Variants in MTRR observed in about 807,000 individuals in gnomAD.
MTRR encodes methionine synthase reductase.
MTRR carries 63 observed loss-of-function variants against 79.2 expected under a neutral mutation model. The ratio of observed to expected loss-of-function variants is 0.80; its 90% confidence interval spans 0.65 to 0.98. MTRR has a LOEUF of 0.98. Ranked by LOEUF, MTRR falls within the 50% of genes least tolerant of loss-of-function variation. The probability of loss-of-function intolerance (pLI) is 0.00; values close to 1 mark genes in which losing one functional copy is unlikely to be tolerated. For synonymous variants in MTRR, 355 were observed against 313.3 expected, an observed-to-expected ratio of 1.13 and a Z score of -1.41; for missense variants, 895 against 839.6, an observed-to-expected ratio of 1.07 and a Z score of -0.82.
At chr5:7,890,095 T>A (rs1737292708) in intron 9 of MTRR, among the ~76,000 whole-genome samples, 1 of 152,202 alleles carries the variant, frequency 6.6e-6, no homozygotes, top group South Asian at 2.1e-4. Context: ...TCCTTTCCCA[T>A]AGTGGTAAGT....
chr5:7,868,241 A>G, upstream of MTRR: 1 of 582,412 alleles, frequency 1.7e-6, no homozygotes, highest in East Asian at 2.9e-5. Context: ...TAACATATAA[A>G]CACCAGAGGG....
At chr5:7,882,117 A>T (rs908892300) in intron 5 of MTRR, among the ~76,000 whole-genome samples, 1 of 152,214 alleles carries the variant, frequency 6.6e-6, no homozygotes, top group Non-Finnish European at 1.5e-5. Flanking sequence ...GCATGGAGGG[A>T]TGGAAGCAGG....
chr5:7,864,485 G>T (rs1010843024), upstream of MTRR, among the ~76,000 whole-genome samples: 1 of 151,834 alleles, frequency 6.6e-6, no homozygotes, highest in Admixed American at 6.6e-5. Flanking sequence ...AGTAATAAAA[G>T]AGTACAAATC....
At chr5:7,851,332 C>G (rs1003147495) in exon 1 of MTRR, 3 of 296,044 alleles carry the variant, frequency 1.0e-5, no homozygotes, top group Non-Finnish European at 1.9e-5. Context: ...GCTCACCTTT[C>G]CCATGCAGCA....
At position 7,899,886 on chromosome 5, in the gene MTRR, G is replaced by A. The variant is rs200424426; in HGVS notation, c.1953-28G>A. On this transcript the variant is annotated intron_variant, in intron 14 of 14. Coordinates refer to ENST00000440940, the MANE Select transcript of MTRR (RefSeq NM_002454.3). The stretch of plus-strand genomic sequence containing the variant: ...ATTTACTAAAAATGCCTGTTTGTAA[G>A]CAGTCATCTTATTATTTTCTTTTCT... 8 of 1,613,838 alleles carry A rather than the reference G, an allele frequency of 5.0e-6. No homozygotes were observed. The East Asian group carries it at 1.6e-4, about 31-fold the overall frequency.
chr5:7,869,134 A>G (rs778722698), upstream of MTRR: 15 of 1,613,364 alleles, frequency 9.3e-6, no homozygotes, highest in Admixed American at 2.2e-4. Flanking sequence ...GGTACCGAGC[A>G]TGGGCGCTGC....
At chr5:7,855,085 C>T (rs1318474508) in intron 1 of MTRR, among the ~76,000 whole-genome samples, 2 of 152,164 alleles carry the variant, frequency 1.3e-5, no homozygotes, top group Non-Finnish European at 2.9e-5. Flanking sequence ...TCTAATTTCT[C>T]CAATAACTTA....
At chr5:7,866,494 G>A (rs1746959101), upstream of MTRR, 2 of 645,594 alleles carry the variant, frequency 3.1e-6, no homozygotes, top group African/African-American at 3.6e-5. Context: ...CTTTAACTGT[G>A]TTTATGCCAG....
chr5:7,855,794 G>A (rs1478632318), intron 1 of MTRR, among the ~76,000 whole-genome samples: 1 of 152,192 alleles, frequency 6.6e-6, no homozygotes, highest in Non-Finnish European at 1.5e-5. Context: ...CACACACTGT[G>A]AGCACTCTGT....
At chr5:7,854,472 T>A (rs1283678659) in intron 1 of MTRR, among the ~76,000 whole-genome samples, 4 of 152,134 alleles carry the variant, frequency 2.6e-5, no homozygotes, top group Admixed American at 2.6e-4. Context: ...AAGACTGGGA[T>A]GAAAAGAGGT....
chr5:7,876,156 C>T lies in MTRR; in HGVS notation c.401+781C>T, dbSNP rs140555133. On this transcript the variant is annotated intron_variant, in intron 4 of 14. Coordinates refer to ENST00000440940, the MANE Select transcript of MTRR (RefSeq NM_002454.3). ...CAAATTCAGCAAATGTCTTGCTTTT[C>T]GGCATACTGTATTTCTGCTGAACTC... 7.5e-4 allele frequency among the ~76,000 whole-genome samples: 104 copies of T among 139,018 alleles called. 1 individual carries two copies. Among genetic ancestry groups the T allele is most frequent in the African/African-American group, 1.8e-3 (66 of 36,388 alleles). The allele number at this position is 139,018 out of a possible 152,430, so 91.2% of individuals were successfully genotyped here. A position where few individuals can be genotyped will look rare whatever the true frequency, so the allele number is the denominator to read the frequency against.
upstream of MTRR, among the ~76,000 whole-genome samples, chr5:7,865,514 A>T (rs1305036931): frequency 6.6e-6 from 1 of 152,246 alleles, no homozygotes; most frequent in Non-Finnish European, 1.5e-5. Flanking sequence ...GCTTAAAAAT[A>T]TACTGTACTT....
At chr5:7,894,936 A>G (rs1015193881) in intron 11 of MTRR, among the ~76,000 whole-genome samples, 8 of 152,226 alleles carry the variant, frequency 5.3e-5, no homozygotes, top group Non-Finnish European at 1.2e-4. Flanking sequence ...TTCATTCCCA[A>G]GTAAGAGCAG....
chr5:7,883,786 A>G (rs1579708418), intron 6 of MTRR, among the ~76,000 whole-genome samples: 1 of 152,202 alleles, frequency 6.6e-6, no homozygotes, highest in African/African-American at 2.4e-5. Flanking sequence ...TGGCTTACTC[A>G]ATAAGCCATG....
In MTRR at chr5:7,873,392, C is replaced by G; in HGVS notation, c.149C>G (p.Thr50Arg). ...ESDKYDLKTE[T>R]APLVVVVSTT... ...TTGTAGTATGACCTAAAAACCGAAACAGCTCCTCTTGTTGTTGTGGTTTCT... is the reference window on the plus strand; with the variant it reads ...TTGTAGTATGACCTAAAAACCGAAAGAGCTCCTCTTGTTGTTGTGGTTTCT... Residue 50 changes from threonine to arginine, a missense_variant, in exon 3 of 15, where the codon ACA becomes AGA. Thr to Arg is a moderately conservative substitution (Grantham distance 71). Transcript: ENST00000440940. The G allele has an allele frequency of 1.2e-6, 2 of 1,614,192 alleles. No individual in the cohort carries two copies. The highest frequency in any genetic ancestry group is 1.7e-6 in the Non-Finnish European group (2 of 1,180,034).
intron 14 of MTRR, among the ~76,000 whole-genome samples, chr5:7,899,606 C>T (rs1380440137): frequency 2.0e-5 from 3 of 152,092 alleles, no homozygotes; most frequent in African/African-American, 4.8e-5. Context: ...GCAGGTGGGT[C>T]GGAGCCAGGC....
intron 8 of MTRR, among the ~76,000 whole-genome samples, chr5:7,887,899 G>A (rs1736896068): frequency 6.9e-6 from 1 of 145,432 alleles, no homozygotes; most frequent in African/African-American, 2.6e-5. Flanking sequence ...GGAAACCAAA[G>A]TATTTTATAA....
chr5:7,877,216 A>G lies in MTRR; in HGVS notation c.402-728A>G, dbSNP rs75120161. On this transcript the variant is annotated intron_variant, in intron 4 of 14. Coordinates refer to ENST00000440940, the MANE Select transcript of MTRR (RefSeq NM_002454.3). ...TGCCACAGTCTTATCCACTGACTCT[A>G]CTTAAACTTCTCTGTTCAGGGAATG... Among the ~76,000 whole-genome samples the G allele has an allele frequency of 3.6e-3, 545 of 152,288 alleles. 4 individuals carry two copies. Among genetic ancestry groups the G allele is most frequent in the African/African-American group, 0.012 (512 of 41,550 alleles).
intron 1 of MTRR, among the ~76,000 whole-genome samples, chr5:7,860,005 G>A (rs577414995): frequency 5.2e-4 from 79 of 152,246 alleles, no homozygotes; most frequent in African/African-American, 1.7e-3. Context: ...AGCAGGAGGC[G>A]CAGCAAAGGA....
Sources: gnomAD v4.1 joint callset for allele counts (sites outside exome capture counted in the v4.1 genomes callset) on GRCh38, gnomAD v4.1.1 for gene constraint, MANE v1.5 for transcripts, NCBI Gene and HGNC (gene_info 2026-07-23, HGNC 2026-07-21) for gene names.